RBFOX1: variants seen among roughly 807,000 people sequenced by gnomAD.
RBFOX1 encodes RNA binding fox-1 homolog 1.
RBFOX1 carries 8 observed loss-of-function variants against 57.7 expected under a neutral mutation model. The observed-to-expected ratio is 0.14, with a 90% CI of 0.08 to 0.25. The LOEUF (loss-of-function observed/expected upper bound fraction) is 0.25, where lower values mean the gene tolerates loss of function less well. RBFOX1 is among the 10% of genes least tolerant of loss of function. RBFOX1 has a pLI of 1.00. For synonymous variants in RBFOX1, 326 were observed against 222.4 expected, an observed-to-expected ratio of 1.47 and a Z score of -4.15; for missense variants, 611 against 548.5, an observed-to-expected ratio of 1.11 and a Z score of -1.14.
intron 4 of RBFOX1, among the ~76,000 whole-genome samples, chr16:7,093,853 C>T (rs566406602): frequency 6.6e-6 from 1 of 152,100 alleles, no homozygotes; most frequent in East Asian, 1.9e-4. Context: ...AAAGCCACAT[C>T]CATTTTTTCC....
At chr16:6,557,633 C>T (rs1323725077) in intron 2 of RBFOX1, among the ~76,000 whole-genome samples, 1 of 152,174 alleles carries the variant, frequency 6.6e-6, no homozygotes, top group Non-Finnish European at 1.5e-5. Flanking sequence ...TGATTAATTC[C>T]CATTCTATCT....
chr16:7,088,536 T>C (rs372616850), intron 4 of RBFOX1, among the ~76,000 whole-genome samples: 81 of 64,482 alleles, frequency 1.3e-3, no homozygotes, highest in African/African-American at 2.5e-3. Context: ...CTGTAGTTGT[T>C]TTTTGTTGTT....
In RBFOX1 at chr16:5,454,906, CT is replaced by C. The variant is rs1211693630; in HGVS notation, c.220-12307del. Among the ~76,000 whole-genome samples the C allele has an allele frequency of 7.3e-3, 495 of 68,036 alleles. 5 individuals carry two copies. The highest frequency in any genetic ancestry group is 0.019 in the Middle Eastern group (3 of 158). The allele number at this position is 68,036 out of a possible 152,430, so 44.6% of individuals were successfully genotyped here. A position where few individuals can be genotyped will look rare whatever the true frequency, so the allele number is the denominator to read the frequency against. The stretch of plus-strand genomic sequence containing the variant: ...TCTTTCTTTCTTTCTTTCTTTCTTT[CT>C]TTCTTTCCTTTGTTTCTTTCTTCCT... On this transcript the variant is annotated intron_variant, in intron 1 of 2. Coordinates refer to the RBFOX1 transcript ENST00000585867.
Position 5,387,545 on chromosome 16 carries a change from A to G in RBFOX1, c.220-79671A>G, listed in dbSNP as rs2066289951. 2.0e-5 allele frequency among the ~76,000 whole-genome samples: 3 copies of G among 152,214 alleles called. No individual in the cohort carries two copies. The South Asian group carries it at 6.2e-4, about 32-fold the overall frequency. ...TGATGTGATGAAAAGACTGCCTTTA[A>G]AGGGAATTCCTGATATTATATAAGT... On this transcript the variant is annotated intron_variant, in intron 1 of 2. Coordinates refer to the RBFOX1 transcript ENST00000585867.
At chr16:5,245,445 G>T (rs1247094434) in intron 1 of RBFOX1, among the ~76,000 whole-genome samples, 1 of 152,220 alleles carries the variant, frequency 6.6e-6, no homozygotes, top group African/African-American at 2.4e-5. Context: ...GTAGCCAGTG[G>T]TTGAGGCTGT....
intron 4 of RBFOX1, among the ~76,000 whole-genome samples, chr16:7,202,032 G>A (rs2088658094): frequency 1.3e-5 from 2 of 152,116 alleles, no homozygotes; most frequent in African/African-American, 4.8e-5. Context: ...CATTGACTTT[G>A]GAAGATCCTC....
At chr16:5,319,188 C>T (rs970162442) in intron 1 of RBFOX1, among the ~76,000 whole-genome samples, 1 of 152,102 alleles carries the variant, frequency 6.6e-6, no homozygotes, top group Non-Finnish European at 1.5e-5. Flanking sequence ...TCTCTTATTG[C>T]AGAATAGGTC....
intron 3 of RBFOX1, among the ~76,000 whole-genome samples, chr16:6,811,918 T>C (rs1603627786): frequency 1.3e-5 from 2 of 151,918 alleles, no homozygotes; most frequent in South Asian, 2.1e-4. Context: ...ATACAAAATA[T>C]AAGGCACAGA....
rs17140897 is a variant in RBFOX1 at position 6,671,062 on chromosome 16, A to G, written c.-16+16412A>G. ...TGTTGCAATTTGGTAGAAATCATTTAAAAACCAGAGTACTCATACGTATGA... is the reference window on the plus strand; with the variant it reads ...TGTTGCAATTTGGTAGAAATCATTTGAAAACCAGAGTACTCATACGTATGA... On this transcript the variant is annotated intron_variant, in intron 3 of 15. Coordinates refer to ENST00000550418, the MANE Select transcript of RBFOX1 (RefSeq NM_018723.4). Among the ~76,000 whole-genome samples the G allele has an allele frequency of 1.6e-3, 248 of 152,350 alleles. No homozygotes were observed. In the East Asian group the frequency reaches 0.028, roughly 17 times the overall value.
At chr16:5,959,911 G>A (rs757819466) in intron 4 of RBFOX1, among the ~76,000 whole-genome samples, 1 of 152,132 alleles carries the variant, frequency 6.6e-6, no homozygotes, top group Non-Finnish European at 1.5e-5. Context: ...TGAATAAGAG[G>A]AACCCTAGGC....
intron 2 of RBFOX1, among the ~76,000 whole-genome samples, chr16:5,486,422 C>T (rs980617730): frequency 6.6e-6 from 1 of 152,168 alleles, no homozygotes; most frequent in African/African-American, 2.4e-5. Flanking sequence ...TCCCAGCAGA[C>T]ATCAGTATTC....
At chr16:5,706,066 A>T (rs1170211916) in intron 3 of RBFOX1, among the ~76,000 whole-genome samples, 1 of 152,170 alleles carries the variant, frequency 6.6e-6, no homozygotes, top group Non-Finnish European at 1.5e-5. Flanking sequence ...GCGTGCCACC[A>T]TGCCTAGCTA....
At chr16:6,252,954 A>C (rs1372616062) in intron 1 of RBFOX1, among the ~76,000 whole-genome samples, 6 of 152,172 alleles carry the variant, frequency 3.9e-5, no homozygotes, top group African/African-American at 1.4e-4. Flanking sequence ...AATATGCTAG[A>C]CTACTTAGTG....
At chr16:5,798,899 G>A (rs541572997) in intron 3 of RBFOX1, among the ~76,000 whole-genome samples, 5 of 151,962 alleles carry the variant, frequency 3.3e-5, no homozygotes, top group Admixed American at 6.5e-5. Flanking sequence ...TGCTGCCTGC[G>A]TCAGACAGGC....
chr16:6,641,460 C>T (rs544121104), intron 2 of RBFOX1, among the ~76,000 whole-genome samples: 2 of 152,192 alleles, frequency 1.3e-5, no homozygotes, highest in South Asian at 4.1e-4. Context: ...TGACGCCGGG[C>T]ACGGTGGCCC....
chr16:6,982,992 C>G (rs1276688734), intron 3 of RBFOX1, among the ~76,000 whole-genome samples: 1 of 23,644 alleles, frequency 4.2e-5, no homozygotes, highest in East Asian at 8.6e-4. Context: ...GAGACTCTGT[C>G]TAAAAAAAAA....
At chr16:7,240,671 C>G (rs2346616) in intron 4 of RBFOX1, among the ~76,000 whole-genome samples, 86,484 of 151,902 alleles carry the variant, frequency 0.57, 25,073 homozygotes, top group African/African-American at 0.65. Context: ...CCTCCCATCT[C>G]AGTCTCCTGA....
intron 1 of RBFOX1, among the ~76,000 whole-genome samples, chr16:5,400,534 A>G (rs933856723): frequency 1.3e-5 from 2 of 152,192 alleles, no homozygotes; most frequent in African/African-American, 4.8e-5. Context: ...TATCCTGATT[A>G]AAAAATATTA....
chr16:6,935,468 A>G (rs968589902), intron 3 of RBFOX1, among the ~76,000 whole-genome samples: 2 of 152,186 alleles, frequency 1.3e-5, no homozygotes, highest in African/African-American at 4.8e-5. Context: ...GCAATAATGA[A>G]TGATTACTGT....
Sources: gnomAD v4.1 joint callset for allele counts (sites outside exome capture counted in the v4.1 genomes callset) on GRCh38, gnomAD v4.1.1 for gene constraint, MANE v1.5 for transcripts, NCBI Gene and HGNC (gene_info 2026-07-23, HGNC 2026-07-21) for gene names.